BMS1: variants seen among roughly 807,000 people sequenced by gnomAD.
The protein encoded by BMS1 is BMS1 ribosome biogenesis factor.
In BMS1, 53 loss-of-function variants were observed where a neutral mutation model predicts 138.7. The ratio of observed to expected loss-of-function variants is 0.38; its 90% CI spans 0.31 to 0.48. The LOEUF (loss-of-function observed/expected upper bound fraction) is 0.48, where lower values mean the gene tolerates loss of function less well. Ranked by LOEUF, BMS1 falls within the 20% of genes least tolerant of loss-of-function variation. The pLI is 0.97. For synonymous variants in BMS1, 504 were observed against 539.9 expected (o/e 0.93, Z 0.92); for missense variants, 1,360 against 1,565.5 (o/e 0.87, Z 2.22).
At chr10:42,813,524 T>C (rs1842249261) in intron 13 of BMS1, among the ~76,000 whole-genome samples, 1 of 152,160 alleles carries the variant, frequency 6.6e-6, no homozygotes, top group South Asian at 2.1e-4. Context: ...TTATGTCTCT[T>C]TACCTTTTCC....
Position 42,784,640 on chromosome 10 carries a change from T to C in BMS1, c.176+70T>C, listed in dbSNP as rs1222074971. ...TTAAATAGTAGGAGCCTCTCACAGGTGACATTTGGATTCACGAGTCTAGTC... is the reference window on the plus strand; with the variant it reads ...TTAAATAGTAGGAGCCTCTCACAGGCGACATTTGGATTCACGAGTCTAGTC... On this transcript the variant is annotated intron_variant, in intron 2 of 22. Transcript: ENST00000374518. The C allele has an allele frequency of 6.0e-6, 9 of 1,511,206 alleles. No homozygotes were observed. In the Admixed American group the frequency reaches 1.9e-4, roughly 32 times the overall value. The allele number at this position is 1,511,206 out of a possible 1,614,324, so 93.6% of individuals were successfully genotyped here.
At chr10:42,798,151 T>G (rs889344444) in intron 11 of BMS1, among the ~76,000 whole-genome samples, 5 of 152,168 alleles carry the variant, frequency 3.3e-5, no homozygotes, top group African/African-American at 1.2e-4. Context: ...GAGCTCTTCT[T>G]TAATAATCTA....
chr10:42,785,401 C>A, intron 2 of BMS1, 81 bp from the exon 3 acceptor site: 2 of 1,299,610 alleles, frequency 1.5e-6, no homozygotes, highest in Non-Finnish European at 2.1e-6. Flanking sequence ...CCAAAAAAGT[C>A]TACTTATAAG....
At chr10:42,816,266 T>G (rs1842344727) in intron 13 of BMS1, among the ~76,000 whole-genome samples, 1 of 152,252 alleles carries the variant, frequency 6.6e-6, no homozygotes, top group East Asian at 1.9e-4. Flanking sequence ...GCCACTGCAC[T>G]CCAGCTTGGG....
intron 15 of BMS1, 75 bp downstream of exon 15, chr10:42,817,569 T>TC (rs1588748496): frequency 7.1e-7 from 1 of 1,405,178 alleles, no homozygotes; most frequent in East Asian, 2.3e-5. Context: ...TTTGTTTGGG[T>TC]CCCTACGTCC....
At chr10:42,799,700 C>A (rs1841810012) in intron 12 of BMS1, among the ~76,000 whole-genome samples, 1 of 152,156 alleles carries the variant, frequency 6.6e-6, no homozygotes, top group African/African-American at 2.4e-5. Context: ...TCAAGCTTTG[C>A]TGCTCAATTG....
chr10:42,806,188 A>G lies in BMS1; in HGVS notation c.2329+3970A>G, dbSNP rs530099759. The stretch of plus-strand genomic sequence containing the variant: ...AGCCTGGGCTTCCAATTCTGCTTTG[A>G]CCTTTCACCTTGGTCCAATCTCATA... On this transcript the variant is annotated intron_variant, in intron 13 of 22. Transcript: ENST00000374518. 1.3e-3 allele frequency among the ~76,000 whole-genome samples: 199 copies of G among 152,116 alleles called. 1 individual carries two copies. Among genetic ancestry groups the G allele is most frequent in the Non-Finnish European group, 2.4e-3 (162 of 67,990 alleles).
intron 13 of BMS1, among the ~76,000 whole-genome samples, chr10:42,805,701 T>A (rs891750169): frequency 1.3e-4 from 20 of 152,224 alleles, no homozygotes; most frequent in African/African-American, 4.8e-4. Flanking sequence ...CTCAACAGTT[T>A]ATTTTCATAT....
chr10:42,785,684 C>A lies in BMS1; in HGVS notation c.367+12C>A. 6.2e-7 allele frequency: 1 copy of A among 1,610,872 alleles called. No homozygotes were observed. The highest frequency in any genetic ancestry group is 1.1e-5 in the South Asian group (1 of 90,858). ...GACGATTGTGTCAGGTAGGAGATGC[C>A]ACCACAGACACAGAGTTGGCGTGGC... On this transcript the variant is annotated intron_variant, in intron 3 of 22. Transcript: ENST00000374518.
chr10:42,816,833 G>T (rs1278166145), intron 14 of BMS1, among the ~76,000 whole-genome samples, 161 bp downstream of exon 14: 1 of 152,132 alleles, frequency 6.6e-6, no homozygotes, highest in East Asian at 1.9e-4. Context: ...AAGCTTTCTT[G>T]TTTACTTGTT....
Position 42,831,039 on chromosome 10 carries a change from G to A in BMS1, c.3792G>A (p.Gln1264=), listed in dbSNP as rs1842788557. The stretch of plus-strand genomic sequence containing the variant: ...AGAAGCTCTTCAGAATTCAGGGGCA[G>A]AAGGAAAGAAGAAACCAGAAGTCCA... ...LRKKLFRIQG[Q]KERRNQKSSL... Residue 1264 remains glutamine, a synonymous_variant, in exon 23 of 23, where the codon CAG becomes CAA. Transcript: ENST00000374518. 1.3e-6 allele frequency: 2 copies of A among 1,587,864 alleles called. No individual in the cohort carries two copies. The highest frequency in any genetic ancestry group is 1.3e-5 in the African/African-American group (1 of 74,536).
At chr10:42,829,511 A>G (rs1842744525) in intron 21 of BMS1, among the ~76,000 whole-genome samples, 1 of 152,154 alleles carries the variant, frequency 6.6e-6, no homozygotes, top group Admixed American at 6.5e-5. Context: ...TGAAGGAAGA[A>G]CTGTCCTTAA....
intron 21 of BMS1, among the ~76,000 whole-genome samples, chr10:42,828,585 A>T (rs1209994917): frequency 3.3e-5 from 5 of 149,600 alleles, no homozygotes; most frequent in African/African-American, 1.2e-4. Flanking sequence ...CTGCTGTTCC[A>T]CGTGCTTGCT....
chr10:42,830,090 T>C (rs1273774842), intron 21 of BMS1, among the ~76,000 whole-genome samples, 171 bp from the exon 22 acceptor site: 2 of 152,184 alleles, frequency 1.3e-5, no homozygotes, highest in African/African-American at 4.8e-5. Flanking sequence ...GGGTGTCCAC[T>C]GAGGCAGTTC....
Position 42,820,262 on chromosome 10 carries a change from A to G in BMS1, c.2607A>G (p.Gln869=), listed in dbSNP as rs1226450687. 3 of 1,613,060 alleles carry G rather than the reference A, an allele frequency of 1.9e-6. No homozygotes were observed. Among genetic ancestry groups the G allele is most frequent in the Non-Finnish European group, 2.5e-6 (3 of 1,179,860 alleles). The change falls in exon 16 of 23, where the codon CAA becomes CAG. Residue 869 remains glutamine, a synonymous_variant. Coordinates refer to ENST00000374518, the MANE Select transcript of BMS1 (RefSeq NM_014753.4). ...TGAATCGCGCAGAATTTGAAGATCA[A>G]GATGATGAAGCCAGAGTTCAGTATG... ...AQLNRAEFED[Q]DDEARVQYEG... is the part of the protein sequence containing the mutation.
chr10:42,823,976 T>C (rs574496566), intron 21 of BMS1, among the ~76,000 whole-genome samples, 192 bp downstream of exon 21: 1 of 152,382 alleles, frequency 6.6e-6, no homozygotes, highest in East Asian at 1.9e-4. Flanking sequence ...ATAGTGGTTC[T>C]TTCTGGATTG....
intron 13 of BMS1, among the ~76,000 whole-genome samples, chr10:42,810,295 A>AT (rs1396360195): frequency 6.6e-6 from 1 of 152,210 alleles, no homozygotes; most frequent in Non-Finnish European, 1.5e-5. Context: ...ACATGCATGA[A>AT]TACCCAGTCA....
rs1367218317 is a variant in BMS1, at chr10:42,798,379, A to G, written c.2090-89A>G. 3.9e-6 allele frequency: 6 copies of G among 1,523,216 alleles called. No homozygotes were observed. In the Admixed American group the frequency reaches 1.1e-4, roughly 27 times the overall value. 94.4% of individuals were successfully genotyped at this position (1,523,216 alleles called of 1,614,324 possible). On this transcript the variant is annotated intron_variant, in intron 11 of 22. Coordinates refer to ENST00000374518, the MANE Select transcript of BMS1 (RefSeq NM_014753.4). ...ACAGAGTCCCTCAGTTCCTGAGTTC[A>G]AAGACTCATGGCCTAACTGGTTGAA...
At position 42,817,479 on chromosome 10, in the gene BMS1, G is replaced by A; in HGVS notation, c.2565G>A (p.Met855Ile). Residue 855 changes from methionine to isoleucine, a missense_variant, in exon 15 of 23, where the codon ATG becomes ATA. Met to Ile is a conservative substitution (Grantham distance 10). Transcript: ENST00000374518. ...STYFDDLKGEMQKQAQLNRAE... is the reference protein window; with the variant it reads ...STYFDDLKGEIQKQAQLNRAE... ...ATTTTGATGATCTTAAAGGAGAAAT[G>A]CAGAAACAAGCACAGGTGAGAAACC... 1 of 1,602,408 alleles carries A rather than the reference G, an allele frequency of 6.2e-7. No individual in the cohort carries two copies. Among genetic ancestry groups the A allele is most frequent in the Non-Finnish European group, 8.5e-7 (1 of 1,177,740 alleles).
Sources: allele counts gnomAD v4.1 joint callset (sites outside exome capture counted in the v4.1 genomes callset), GRCh38; gene constraint gnomAD v4.1.1; transcripts MANE v1.5; gene names NCBI Gene and HGNC (gene_info 2026-07-23, HGNC 2026-07-21).